Variants in APBA2 observed in about 807,000 individuals in gnomAD.
APBA2 encodes amyloid-beta A4 precursor protein-binding family A member 2.
Under a neutral mutation model 75.0 loss-of-function variants are expected in APBA2, and 30 were observed. That is an observed-to-expected ratio of 0.40 (90% CI 0.30 to 0.54). The LOEUF (loss-of-function observed/expected upper bound fraction) is 0.54, where lower values mean the gene tolerates loss of function less well. Among genes scored for constraint, APBA2 ranks in the 20% least tolerant of loss-of-function variants. APBA2 has a pLI of 0.49. For synonymous variants in APBA2, 444 were observed against 409.6 expected (o/e 1.08, Z -1.01); for missense variants, 801 against 1,016.1 (o/e 0.79, Z 2.88).
At chr15:29,076,501 G>A (rs1348965722) in intron 6 of APBA2, among the ~76,000 whole-genome samples, 2 of 144,904 alleles carry the variant, frequency 1.4e-5, no homozygotes, top group African/African-American at 5.1e-5. Flanking sequence ...CACCCTTTTT[G>A]AGGAGGTTAA....
In APBA2 at chr15:29,115,006, CTG is replaced by C. The variant is rs145082040; in HGVS notation, c.2178+1000_2178+1001del. Among the ~76,000 whole-genome samples, 1,314 of 150,002 alleles carry C rather than the reference CTG, an allele frequency of 8.8e-3. 6 individuals are homozygous for C. Among genetic ancestry groups the C allele is most frequent in the Non-Finnish European group, 0.015 (1,031 of 67,306 alleles). ...GTGAGGAGAGTGTGAGTGGGTGTGT[CTG>C]TGTGTGTGTAGGGGTGTGTGAAGGG... On this transcript the variant is annotated intron_variant, in intron 14 of 14. Coordinates refer to ENST00000683413, the MANE Select transcript of APBA2 (RefSeq NM_001353788.2).
At chr15:28,928,669 C>A (rs903222800) in intron 2 of APBA2, among the ~76,000 whole-genome samples, 1 of 152,164 alleles carries the variant, frequency 6.6e-6, no homozygotes, top group South Asian at 2.1e-4. Context: ...AAAGTCTTTC[C>A]CTGCGGGGAG....
intron 8 of APBA2, among the ~76,000 whole-genome samples, 172 bp downstream of exon 8, chr15:29,094,485 A>G (rs1285998693): frequency 1.3e-5 from 2 of 152,188 alleles, no homozygotes; most frequent in African/African-American, 4.8e-5. Flanking sequence ...AACTACAGAC[A>G]CTTCATTTTT....
chr15:29,049,223 A>T (rs770784841), intron 3 of APBA2, among the ~76,000 whole-genome samples: 2 of 152,202 alleles, frequency 1.3e-5, no homozygotes, highest in Admixed American at 6.5e-5. Context: ...GTTCATTGGT[A>T]TGTGGTGTGA....
At position 29,054,417 on chromosome 15, in the gene APBA2, A is replaced by G. The variant is rs1301965931; in HGVS notation, c.533A>G (p.His178Arg). 1 of 1,614,134 alleles carries G rather than the reference A, an allele frequency of 6.2e-7. No individual in the cohort carries two copies. Among genetic ancestry groups the G allele is most frequent in the Non-Finnish European group, 8.5e-7 (1 of 1,180,038 alleles). Residue 178 changes from histidine to arginine, a missense_variant, in exon 4 of 15, where the codon CAT becomes CGT. This residue lies in a region of APBA2 where 434 missense variants were observed against 471.6 expected (regional missense o/e 0.92). Coordinates refer to ENST00000683413, the MANE Select transcript of APBA2 (RefSeq NM_001353788.2). This position sits in a 1 kb window ranked among gnomAD's most constrained non-coding sequence, Gnocchi z 6.1. ...GATGAGCCCTCCGTCCTTGAGGCCC[A>G]TGACCAGGAAGAAGATGGTCACTAC... ...PEDEPSVLEA[H>R]DQEEDGHYCA...
intron 2 of APBA2, among the ~76,000 whole-genome samples, chr15:28,956,957 G>A (rs2036202345): frequency 6.6e-6 from 1 of 152,224 alleles, no homozygotes; most frequent in Non-Finnish European, 1.5e-5. Context: ...ACCACATTTT[G>A]TTGATCGTTC....
Position 29,054,877 on chromosome 15 carries a change from G to C in APBA2, c.951+42G>C, listed in dbSNP as rs755453015. On this transcript the variant is annotated intron_variant, in intron 4 of 14. Coordinates refer to ENST00000683413, the MANE Select transcript of APBA2 (RefSeq NM_001353788.2). The surrounding 1 kb of genome is among the most constrained non-coding windows in gnomAD (Gnocchi z 6.1). ...CCTGGGGAAGGGAGCAGAGGGGCCC[G>C]AGAGCAAGGGACCTCAGGGTACAGG... 1.3e-6 allele frequency: 2 copies of C among 1,557,498 alleles called. No individual in the cohort carries two copies. Among genetic ancestry groups the C allele is most frequent in the Non-Finnish European group, 8.7e-7 (1 of 1,153,378 alleles).
chr15:28,919,994 G>A (rs780630621), intron 1 of APBA2, among the ~76,000 whole-genome samples: 1 of 152,130 alleles, frequency 6.6e-6, no homozygotes, highest in African/African-American at 2.4e-5. Flanking sequence ...CCCCTCCTCG[G>A]CCTTTGCATT....
At chr15:28,933,454 A>G (rs2034672007) in intron 2 of APBA2, among the ~76,000 whole-genome samples, 1 of 152,160 alleles carries the variant, frequency 6.6e-6, no homozygotes, top group Admixed American at 6.5e-5. Flanking sequence ...GAACTGAGAC[A>G]AGCCACTTTC....
chr15:29,054,617 G>A lies in APBA2; in HGVS notation c.733G>A (p.Ala245Thr), dbSNP rs756243157. 2.0e-5 allele frequency: 32 copies of A among 1,614,032 alleles called. No homozygotes were observed. Among genetic ancestry groups the A allele is most frequent in the African/African-American group, 1.5e-4 (11 of 74,936 alleles). The change falls in exon 4 of 15, where the codon GCC becomes ACC. Residue 245 changes from alanine to threonine, a missense_variant. By Grantham distance (58) the Ala-to-Thr change is moderately conservative (BLOSUM62 0). This residue lies in a region of APBA2 where 434 missense variants were observed against 471.6 expected (regional missense o/e 0.92). Transcript: ENST00000683413. The surrounding 1 kb of genome is among the most constrained non-coding windows in gnomAD (Gnocchi z 6.1). The part of the protein sequence containing the change: ...MSLSMTSITS[A>T]SEASPEHGPE... ...TCTGAGCATGACCAGCATCACCAGC[G>A]CCAGTGAGGCCAGCCCCGAGCATGG... is the stretch of plus-strand genomic sequence containing the variant.
chr15:28,898,774 T>C (rs977254951), intron 1 of APBA2, among the ~76,000 whole-genome samples: 4 of 152,238 alleles, frequency 2.6e-5, no homozygotes, highest in Non-Finnish European at 1.5e-5. Context: ...TCATGGCTTC[T>C]TCTACTGCTA....
chr15:29,013,273 C>CTTTTTTTT (rs560518234), intron 3 of APBA2, among the ~76,000 whole-genome samples: 2 of 85,848 alleles, frequency 2.3e-5, no homozygotes, highest in South Asian at 4.2e-4. Flanking sequence ...ATGAGTCATT[C>CTTTTTTTT]TTTTTTTTTT....
At chr15:28,908,064 C>T (rs1408677731) in intron 1 of APBA2, among the ~76,000 whole-genome samples, 1 of 152,204 alleles carries the variant, frequency 6.6e-6, no homozygotes, top group African/African-American at 2.4e-5. Flanking sequence ...CCCGTGAGTG[C>T]AGGCCTGTGC....
intron 10 of APBA2, 91 bp from the exon 11 acceptor site, chr15:29,105,288 C>A: frequency 7.5e-7 from 1 of 1,333,680 alleles, no homozygotes; most frequent in Non-Finnish European, 1.0e-6. Flanking sequence ...TGGGTGCATC[C>A]TGCACCCAGC....
In APBA2 at chr15:29,054,983, A is replaced by G; in HGVS notation, c.951+148A>G. ...TGGTGGCTGAGCTCTTCATTGGTCC[A>G]GTTGGGAGACATGTTGCGTGGATGC... On this transcript the variant is annotated intron_variant, in intron 4 of 14. Coordinates refer to ENST00000683413, the MANE Select transcript of APBA2 (RefSeq NM_001353788.2). This position sits in a 1 kb window ranked among gnomAD's most constrained non-coding sequence, Gnocchi z 6.1. 2 of 774,786 alleles carry G rather than the reference A, an allele frequency of 2.6e-6. No individual in the cohort carries two copies. Among genetic ancestry groups the G allele is most frequent in the Non-Finnish European group, 4.2e-6 (2 of 473,382 alleles). 48.0% of individuals were successfully genotyped at this position (774,786 alleles called of 1,614,324 possible).
At chr15:29,057,515 C>G (rs186115535) in intron 4 of APBA2, among the ~76,000 whole-genome samples, 2 of 152,332 alleles carry the variant, frequency 1.3e-5, no homozygotes, top group East Asian at 3.9e-4. Flanking sequence ...AACGGATGAG[C>G]TATTTCATCA....
intron 2 of APBA2, among the ~76,000 whole-genome samples, chr15:28,942,847 T>A (rs558735842): frequency 6.6e-6 from 1 of 152,236 alleles, no homozygotes; most frequent in South Asian, 2.1e-4. Context: ...GCGTGGGGCT[T>A]CTCCCCGGGC....
intron 2 of APBA2, among the ~76,000 whole-genome samples, chr15:28,959,454 A>G (rs2036349500): frequency 6.6e-6 from 1 of 152,210 alleles, no homozygotes. Context: ...ATGTTCTTGT[A>G]AGAAGAGATT....
chr15:28,956,754 C>T (rs1291554025), intron 2 of APBA2, among the ~76,000 whole-genome samples: 1 of 152,198 alleles, frequency 6.6e-6, no homozygotes, highest in Non-Finnish European at 1.5e-5. Context: ...CCCCCTGGCA[C>T]CCACCATTGT....
Sources: gnomAD v4.1 joint callset for allele counts (sites outside exome capture counted in the v4.1 genomes callset) on GRCh38, gnomAD v4.1.1 for gene constraint, gnomAD v4.1.1 regional missense constraint, Gnocchi (gnomAD v3.1) non-coding constraint, MANE v1.5 for transcripts, NCBI Gene and HGNC (gene_info 2026-07-23, HGNC 2026-07-21) for gene names.